The following SLC2A5 variants were observed in gnomAD, a reference collection of about 807,000 sequenced individuals.
SLC2A5 encodes the protein solute carrier family 2, facilitated glucose transporter member 5.
In SLC2A5, 56 loss-of-function variants were observed where a neutral mutation model predicts 50.3. That is an observed-to-expected ratio of 1.11 (90% CI 0.90 to 1.39). SLC2A5 has a LOEUF of 1.39. Among genes scored for constraint, SLC2A5 ranks in the 40% most tolerant of loss-of-function variants. The probability of loss-of-function intolerance (pLI) is 0.00; values close to 1 mark genes in which losing one functional copy is unlikely to be tolerated. For missense variants in SLC2A5, 566 were observed against 650.1 expected, an observed-to-expected ratio of 0.87 and a Z score of 1.41; for synonymous variants, 269 against 281.9, an observed-to-expected ratio of 0.95 and a Z score of 0.46.
At chr1:9,086,105 T>C (rs1280818052) in intron 1 of SLC2A5, among the ~76,000 whole-genome samples, 1 of 152,190 alleles carries the variant, frequency 6.6e-6, no homozygotes, top group African/African-American at 2.4e-5. Flanking sequence ...GAGTTCAATC[T>C]TCATGATCAC....
intron 2 of SLC2A5, among the ~76,000 whole-genome samples, chr1:9,084,709 T>C (rs1642386504): frequency 6.6e-6 from 1 of 152,166 alleles, no homozygotes; most frequent in Admixed American, 6.5e-5. Context: ...CCAGCAGCCC[T>C]ATGGGGGCAG....
Position 9,039,934 on chromosome 1 carries a change from G to A in SLC2A5, c.751C>T (p.Arg251Trp), listed in dbSNP as rs1641254420. Residue 251 changes from arginine to tryptophan, a missense_variant, in exon 7 of 12, where the codon CGG (arginine) becomes TGG (tryptophan). Physicochemically the swap from Arg to Trp is moderately radical, Grantham distance 101. Coordinates refer to ENST00000377424, the MANE Select transcript of SLC2A5 (RefSeq NM_003039.3). ...GCCTTCTCTGCCTCATCCTCCTGCC[G>A]GATCTCGGCCACCTCCCTGTCCACA... is the stretch of plus-strand genomic sequence containing the variant. ...DSVDREVAEIRQEDEAEKAAG... is the reference protein window; with the variant it reads ...DSVDREVAEIWQEDEAEKAAG... 6.2e-7 allele frequency: 1 copy of A among 1,612,876 alleles called. No individual in the cohort carries two copies. Among genetic ancestry groups the A allele is most frequent in the African/African-American group, 1.3e-5 (1 of 74,930 alleles).
intron 1 of SLC2A5, among the ~76,000 whole-genome samples, chr1:9,062,062 G>T (rs1286137996): frequency 6.6e-6 from 1 of 152,112 alleles, no homozygotes; most frequent in Non-Finnish European, 1.5e-5. Flanking sequence ...CACTCTCCTG[G>T]GAGTAGCAAA....
intron 8 of SLC2A5, 105 bp from the exon 9 acceptor site, chr1:9,039,034 A>G: frequency 7.7e-7 from 1 of 1,296,080 alleles, no homozygotes; most frequent in Non-Finnish European, 1.1e-6. Flanking sequence ...CCGGGTGCCC[A>G]CCCATGTGCA....
intron 1 of SLC2A5, among the ~76,000 whole-genome samples, chr1:9,068,189 C>CAAAAAAAAAAAAAAAAAAAAAAAAA (rs755203801): frequency 1.3e-5 from 1 of 77,092 alleles, no homozygotes; most frequent in African/African-American, 4.9e-5. Flanking sequence ...GACTCTGTGT[C>CAAAAAAAAAAAAAAAAAAAAAAAAA]AAAAAAAAAA....
At chr1:9,092,836 T>A (rs980631977), upstream of SLC2A5, among the ~76,000 whole-genome samples, 2 of 152,136 alleles carry the variant, frequency 1.3e-5, no homozygotes, top group Non-Finnish European at 2.9e-5. Flanking sequence ...TCAACCTCAG[T>A]CTTCAGGAAA....
upstream of SLC2A5, among the ~76,000 whole-genome samples, chr1:9,089,325 A>T (rs1048847883): frequency 4.6e-5 from 7 of 152,162 alleles, no homozygotes; most frequent in Non-Finnish European, 1.0e-4. Context: ...TTCTTATCAC[A>T]CCTCATTGAA....
chr1:9,040,206 G>A lies in SLC2A5; in HGVS notation c.572-17C>T, dbSNP rs762689057. On this transcript the variant is annotated splice_polypyrimidine_tract_variant and intron_variant, in intron 5 of 11. Transcript: ENST00000377424. The surrounding 1 kb of genome is among the most constrained non-coding windows in gnomAD (Gnocchi z 4.3). ...TCGGCCAGCCTGGGAGGAAGGCAGC[G>A]AGCTGGCACCAGCGGCCTCCCCACC... is the stretch of plus-strand genomic sequence containing the variant. The A allele has an allele frequency of 3.2e-6, 5 of 1,544,740 alleles. No homozygotes were observed. Among genetic ancestry groups the A allele is most frequent in the South Asian group, 2.4e-5 (2 of 83,924 alleles).
intron 1 of SLC2A5, among the ~76,000 whole-genome samples, chr1:9,067,724 A>G (rs1057278503): frequency 2.0e-5 from 3 of 152,178 alleles, no homozygotes; most frequent in African/African-American, 4.8e-5. Flanking sequence ...TCTCGGGGAC[A>G]TCGGTTGTCA....
At chr1:9,060,312 T>G (rs1227744183) in intron 1 of SLC2A5, among the ~76,000 whole-genome samples, 1 of 60,728 alleles carries the variant, frequency 1.6e-5, no homozygotes, top group Non-Finnish European at 3.0e-5. Flanking sequence ...CCCCCCCACA[T>G]GTACACACAC....
chr1:9,068,347 A>C (rs78972482), intron 1 of SLC2A5, among the ~76,000 whole-genome samples: 5,939 of 152,120 alleles, frequency 0.039, 130 homozygotes, highest in Middle Eastern at 0.14. Flanking sequence ...TACAAATGAG[A>C]AAACTGAGGC....
At chr1:9,050,593 A>G (rs1378581711) in intron 3 of SLC2A5, among the ~76,000 whole-genome samples, 1 of 152,156 alleles carries the variant, frequency 6.6e-6, no homozygotes, top group Non-Finnish European at 1.5e-5. Context: ...CTAAATATAA[A>G]ATGCAAAACT....
chr1:9,046,044 TC>T (rs1641426553), intron 4 of SLC2A5, among the ~76,000 whole-genome samples: 1 of 152,246 alleles, frequency 6.6e-6, no homozygotes, highest in African/African-American at 2.4e-5. Flanking sequence ...TGCCAATTAA[TC>T]CTAGCTGAGG....
chr1:9,040,347 A>C lies in SLC2A5; in HGVS notation c.572-158T>G. On this transcript the variant is annotated intron_variant, in intron 5 of 11. Transcript: ENST00000377424. The surrounding 1 kb of genome is among the most constrained non-coding windows in gnomAD (Gnocchi z 4.3). ...AGAACAGCAACTCCCGACGGTGGAC[A>C]CTCGGGAAACACCTGCAGCAGGGAT... 1.2e-6 allele frequency: 1 copy of C among 840,782 alleles called. No homozygotes were observed. The highest frequency in any genetic ancestry group is 1.8e-6 in the Non-Finnish European group (1 of 557,948). The allele number at this position is 840,782 out of a possible 1,614,324, so 52.1% of individuals were successfully genotyped here. A position where few individuals can be genotyped will look rare whatever the true frequency, so the allele number is the denominator to read the frequency against.
At chr1:9,038,332 G>T in intron 10 of SLC2A5, 99 bp downstream of exon 10, 1 of 875,520 alleles carries the variant, frequency 1.1e-6, no homozygotes, top group Non-Finnish European at 1.9e-6. Flanking sequence ...CCATTTCCAG[G>T]CTGCATTGGC....
At position 9,037,951 on chromosome 1, in the gene SLC2A5, G is replaced by GC. The variant is rs1223118492; in HGVS notation, c.1247dup (p.Ser417GlnfsTer64). 4 of 1,613,968 alleles carry GC rather than the reference G, an allele frequency of 2.5e-6. No individual in the cohort carries two copies. The highest frequency in any genetic ancestry group is 2.2e-5 in the East Asian group (1 of 44,872). ...TGAAGTTGGAGAGCCAGTGCACACT[G>GC]CCCCCCACCATGAAGGCAGATGGCC... On this transcript the variant is annotated frameshift_variant, in exon 11 of 12. Transcript: ENST00000377424. LOFTEE classifies it high-confidence loss of function.
chr1:9,040,428 T>C lies in SLC2A5; in HGVS notation c.572-239A>G, dbSNP rs1641270503. ...CAGACCACACCGACGAGGCCGGTAA[T>C]ACCATGTGCTGGTGAGAACGTCCCC... On this transcript the variant is annotated intron_variant, in intron 5 of 11. Transcript: ENST00000377424. This position sits in a 1 kb window ranked among gnomAD's most constrained non-coding sequence, Gnocchi z 4.3. 1 of 527,554 alleles carries C rather than the reference T, an allele frequency of 1.9e-6. No homozygotes were observed. The highest frequency in any genetic ancestry group is 3.4e-6 in the Non-Finnish European group (1 of 296,306). The allele number at this position is 527,554 out of a possible 1,614,324, so 32.7% of individuals were successfully genotyped here.
intron 2 of SLC2A5, among the ~76,000 whole-genome samples, chr1:9,079,669 T>C (rs1278660724): frequency 6.6e-6 from 1 of 152,090 alleles, no homozygotes; most frequent in East Asian, 1.9e-4. Flanking sequence ...GAATTTTTAG[T>C]AGAGACGGGG....
At chr1:9,086,387 C>CTTTTTTTT (rs34593630) in intron 1 of SLC2A5, among the ~76,000 whole-genome samples, 19 of 140,544 alleles carry the variant, frequency 1.4e-4, no homozygotes, top group African/African-American at 4.0e-4. Flanking sequence ...TTTTCTCTCT[C>CTTTTTTTT]TTTTTTTTTT....
Sources: allele counts gnomAD v4.1 joint callset (sites outside exome capture counted in the v4.1 genomes callset), GRCh38; gene constraint gnomAD v4.1.1; non-coding constraint Gnocchi (gnomAD v3.1); transcripts MANE v1.5; gene names NCBI Gene and HGNC (gene_info 2026-07-23, HGNC 2026-07-21).